ECE2: variants seen among roughly 807,000 people sequenced by gnomAD.
ECE2 encodes endothelin converting enzyme 2.
ECE2 carries 81 observed loss-of-function variants against 100.6 expected under a neutral mutation model. The observed-to-expected ratio is 0.81, with a 90% CI of 0.67 to 0.97. The LOEUF is 0.97. ECE2 is among the 50% of genes least tolerant of loss of function. The pLI is 0.00. For synonymous variants in ECE2, 391 were observed against 391.5 expected, an observed-to-expected ratio of 1.00 and a Z score of 0.02; for missense variants, 911 against 988.1, an observed-to-expected ratio of 0.92 and a Z score of 1.05.
At position 184,276,146 on chromosome 3, in the gene ECE2, A is replaced by AAT; in HGVS notation, c.-8_-7insAT. 7.1e-7 allele frequency: 1 copy of AAT among 1,400,198 alleles called. No individual in the cohort carries two copies. 86.7% of individuals were successfully genotyped at this position (1,400,198 alleles called of 1,614,324 possible). A position where few individuals can be genotyped will look rare whatever the true frequency, so the allele number is the denominator to read the frequency against. On this transcript the variant is annotated 5_prime_UTR_variant, in exon 1 of 19. Coordinates refer to ENST00000404464, the MANE Select transcript of ECE2 (RefSeq NM_001100121.2). ...GAGCCCTGAATCACCGCCTGGCCCGACTCCACCATGAACGTCGCGCTGCAG... is the reference window on the plus strand; with the variant it reads ...GAGCCCTGAATCACCGCCTGGCCCGAATCTCCACCATGAACGTCGCGCTGCAG...
At chr3:184,283,678 A>G in intron 7 of ECE2, 107 bp from the exon 8 acceptor site, 1 of 1,195,898 alleles carries the variant, frequency 8.4e-7, no homozygotes. Flanking sequence ...AAAGGCTTCC[A>G]GAAGGATCAA....
chr3:184,292,015 G>A (rs1029489579), intron 18 of ECE2, 47 bp from the exon 19 acceptor site: 1 of 1,566,704 alleles, frequency 6.4e-7, no homozygotes, highest in East Asian at 2.3e-5. Context: ...CTAAGGCCCG[G>A]CTCCACACTA....
Position 184,276,179 on chromosome 3 carries a change from G to A in ECE2, c.26G>A (p.Gly9Glu). The change falls in exon 1 of 19, where the codon GGA becomes GAA. Residue 9 changes from glycine to glutamate, a missense_variant. Gly to Glu is a moderately conservative substitution (Grantham distance 98). Coordinates refer to ENST00000404464, the MANE Select transcript of ECE2 (RefSeq NM_001100121.2). ...ATGAACGTCGCGCTGCAGGAGCTGGGAGCTGGCAGCAACGTGAGTGGGGGC... is the reference window on the plus strand; with the variant it reads ...ATGAACGTCGCGCTGCAGGAGCTGGAAGCTGGCAGCAACGTGAGTGGGGGC... MNVALQEL[G>E]AGSNMVEYKR... The A allele has an allele frequency of 1.4e-6, 2 of 1,446,540 alleles. No homozygotes were observed. Among genetic ancestry groups the A allele is most frequent in the Non-Finnish European group, 1.8e-6 (2 of 1,105,502 alleles). The allele number at this position is 1,446,540 out of a possible 1,614,324, so 89.6% of individuals were successfully genotyped here.
At chr3:184,282,370 A>T (rs1158677646) in intron 7 of ECE2, among the ~76,000 whole-genome samples, 1 of 117,198 alleles carries the variant, frequency 8.5e-6, no homozygotes, top group African/African-American at 2.7e-5. Flanking sequence ...CTTGGTAAGT[A>T]GAAGAAGAGA....
intron 3 of ECE2, 62 bp from the exon 4 acceptor site, chr3:184,277,189 T>C (rs770182802): frequency 9.9e-5 from 159 of 1,609,118 alleles, no homozygotes; most frequent in Non-Finnish European, 1.3e-4. Flanking sequence ...CTTGCAGAGT[T>C]TGCCTCTTCC....
intron 6 of ECE2, 36 bp downstream of exon 6, chr3:184,278,349 G>T (rs767147917): frequency 1.4e-5 from 22 of 1,607,798 alleles, no homozygotes; most frequent in Non-Finnish European, 1.8e-5. Context: ...GAGACTTAGG[G>T]ACACTTTGCT....
In ECE2 at chr3:184,292,463, C is replaced by G. The variant is rs756536811; in HGVS notation, c.*225C>G. On this transcript the variant is annotated 3_prime_UTR_variant, in exon 19 of 19. Transcript: ENST00000404464. ...GAGCCCCCACCATTCACTGTGACAT[C>G]TTTCCGTGTCACCCTGCCTGGAAGA... 1.9e-4 allele frequency: 111 copies of G among 574,934 alleles called. No homozygotes were observed. Among genetic ancestry groups the G allele is most frequent in the Non-Finnish European group, 4.0e-5 (13 of 323,894 alleles). 35.6% of individuals were successfully genotyped at this position (574,934 alleles called of 1,614,324 possible). A position where few individuals can be genotyped will look rare whatever the true frequency, so the allele number is the denominator to read the frequency against.
In ECE2 at chr3:184,276,516, AG is replaced by A; in HGVS notation, c.76del (p.Asp26ThrfsTer7). On this transcript the variant is annotated frameshift_variant, in exon 2 of 19. Transcript: ENST00000404464. LOFTEE classifies it high-confidence loss of function. Reference protein sequence around the residue: ...EYKRATLRDEDAPETPVEGGA... With the variant: ...EYKRATLRDEXAPETPVEGGA... ...ACAAACGGGCCACGCTTCGGGATGA[AG>A]ACGCACCCGAGACCCCCGTAGAGGG... 6.2e-7 allele frequency: 1 copy of A among 1,611,324 alleles called. No homozygotes were observed. Among genetic ancestry groups the A allele is most frequent in the Non-Finnish European group, 8.5e-7 (1 of 1,179,734 alleles).
chr3:184,290,691 G>C (rs1185740140), intron 15 of ECE2, 24 bp downstream of exon 15: 3 of 1,613,390 alleles, frequency 1.9e-6, no homozygotes, highest in South Asian at 2.2e-5. Flanking sequence ...AGGAGGGGCT[G>C]GGTGCTGGGG....
chr3:184,276,394 T>G (rs763680029), intron 1 of ECE2, 87 bp from the exon 2 acceptor site: 15 of 1,510,510 alleles, frequency 9.9e-6, no homozygotes, highest in Admixed American at 2.0e-5. Flanking sequence ...GGCGGAGGGG[T>G]CCGCGAGGCA....
In ECE2 at chr3:184,291,041, G is replaced by A. The variant is rs1395837434; in HGVS notation, c.1836G>A (p.Gly612=). The A allele has an allele frequency of 3.2e-6, 5 of 1,564,662 alleles. No individual in the cohort carries two copies. In the East Asian group the frequency reaches 6.8e-5, roughly 21 times the overall value. ...HELTHAFDDQ[G]REYDKEGNLR... ...GGTGCAAAGGTGAGTTCTCCTCAGG[G>A]CGCGAGTATGACAAAGAAGGGAACC... The change falls in exon 17 of 19, where the codon GGG becomes GGA. Residue 612 remains glycine (G), a splice_region_variant and synonymous_variant. Transcript: ENST00000404464. The surrounding 1 kb of genome is among the most constrained non-coding windows in gnomAD (Gnocchi z 4.1).
Position 184,277,137 on chromosome 3 carries a change from C to G in ECE2, c.262+110C>G, listed in dbSNP as rs1720591119. On this transcript the variant is annotated intron_variant, in intron 3 of 18. Coordinates refer to ENST00000404464, the MANE Select transcript of ECE2 (RefSeq NM_001100121.2). ...CCAAGCCTTCCCTGCAGAAAAGCCC[C>G]CGGCTTTGCTTTCTCTTCCCAACCT... is the stretch of plus-strand genomic sequence containing the variant. The G allele has an allele frequency of 5.6e-6, 9 of 1,596,982 alleles. No individual in the cohort carries two copies. The East Asian group carries it at 2.0e-4, about 36-fold the overall frequency.
intron 18 of ECE2, 50 bp from the exon 19 acceptor site, chr3:184,292,012 C>A (rs891684735): frequency 1.9e-6 from 3 of 1,560,284 alleles, no homozygotes; most frequent in African/African-American, 2.7e-5. Flanking sequence ...ACTCTAAGGC[C>A]CGGCTCCACA....
chr3:184,287,772 G>A, intron 10 of ECE2, 65 bp from the exon 11 acceptor site: 1 of 1,457,206 alleles, frequency 6.9e-7, no homozygotes, highest in South Asian at 1.1e-5. Flanking sequence ...CCCAGTGACA[G>A]AGAAAGGCCC....
rs141593192 is a variant in ECE2 at position 184,292,113 on chromosome 3, G to A, written c.2173G>A (p.Asp725Asn). ...GAGCTCTCACGAGGGGCTGGTGACC[G>A]ACCCCCACAGCCCTGCCCGCTTCCG... The part of the protein sequence containing the change: ...PESSHEGLVT[D>N]PHSPARFRVL... Residue 725 changes from aspartate to asparagine, a missense_variant, in exon 19 of 19, where the codon GAC becomes AAC. Asp to Asn is a conservative substitution (Grantham distance 23, BLOSUM62 1). Coordinates refer to ENST00000404464, the MANE Select transcript of ECE2 (RefSeq NM_001100121.2). 5.3e-5 allele frequency: 86 copies of A among 1,613,980 alleles called. No individual in the cohort carries two copies. Among genetic ancestry groups the A allele is most frequent in the Middle Eastern group, 3.3e-4 (2 of 6,062 alleles).
At chr3:184,285,347 A>C (rs1364018686) in intron 9 of ECE2, 131 bp from the exon 10 acceptor site, 4 of 899,924 alleles carry the variant, frequency 4.4e-6, no homozygotes, top group Admixed American at 2.4e-5. Flanking sequence ...CCGGGACCAA[A>C]GAGGAACCCC....
chr3:184,277,829 C>T, intron 4 of ECE2, 96 bp from the exon 5 acceptor site: 5 of 1,540,962 alleles, frequency 3.2e-6, no homozygotes, highest in Non-Finnish European at 4.4e-6. Flanking sequence ...CAGGACTGCT[C>T]ATTGACAAGG....
rs1721346099 is a variant in ECE2, at chr3:184,291,970, G to A, written c.2122-92G>A. On this transcript the variant is annotated intron_variant, in intron 18 of 18. Transcript: ENST00000404464. The surrounding 1 kb of genome is among the most constrained non-coding windows in gnomAD (Gnocchi z 4.1). The stretch of plus-strand genomic sequence containing the variant: ...GGAACTTGGGAGGGGCTGCAGCGGT[G>A]GTGGTTTGTGCCCCTGGGATGGCTG... The A allele has an allele frequency of 7.0e-6, 10 of 1,432,892 alleles. No individual in the cohort carries two copies. Among genetic ancestry groups the A allele is most frequent in the South Asian group, 6.6e-5 (5 of 76,060 alleles). 88.8% of individuals were successfully genotyped at this position (1,432,892 alleles called of 1,614,324 possible).
chr3:184,287,997 A>G (rs112975088), intron 11 of ECE2, 50 bp downstream of exon 11: 30,801 of 1,551,048 alleles, frequency 0.02, 377 homozygotes, highest in Non-Finnish European at 0.024. Context: ...TTGACTGTTC[A>G]TGTATGTGCA....
Sources: gnomAD v4.1 joint callset for allele counts (sites outside exome capture counted in the v4.1 genomes callset) on GRCh38, gnomAD v4.1.1 for gene constraint, Gnocchi (gnomAD v3.1) non-coding constraint, MANE v1.5 for transcripts, NCBI Gene and HGNC (gene_info 2026-07-23, HGNC 2026-07-21) for gene names.